The following RBM25 variants were observed in gnomAD, a reference collection of about 807,000 sequenced individuals.
RBM25 encodes RNA binding motif protein 25, also known as RNA-binding protein 25.
In RBM25, 19 loss-of-function variants were observed where a neutral mutation model predicts 120.7. That is an observed-to-expected ratio of 0.16 (90% CI 0.11 to 0.23). The LOEUF (loss-of-function observed/expected upper bound fraction) is 0.23. Ranked by LOEUF, RBM25 falls within the 10% of genes least tolerant of loss-of-function variation. The pLI, the probability that RBM25 is intolerant of heterozygous loss-of-function variation, is 1.00. For missense variants in RBM25, 605 were observed against 1,041.5 expected (o/e 0.58, Z 5.77); for synonymous variants, 390 against 326.7 (o/e 1.19, Z -2.09).
intron 1 of RBM25, chr14:73,068,687 G>A (rs970916817): frequency 6.1e-6 from 2 of 326,036 alleles, no homozygotes; most frequent in Non-Finnish European, 1.2e-5. Context: ...TGGCTGGACT[G>A]CAGGAAAAGA....
intron 4 of RBM25, among the ~76,000 whole-genome samples, chr14:73,079,337 C>T (rs1044934689): frequency 4.6e-5 from 7 of 150,684 alleles, no homozygotes; most frequent in Admixed American, 1.3e-4. Context: ...GCAGGAGAAT[C>T]ATTTGAACCT....
In RBM25 at chr14:73,119,966, A is replaced by G. The variant is rs1896511305; in HGVS notation, c.*161A>G. On this transcript the variant is annotated 3_prime_UTR_variant, in exon 19 of 19. Coordinates refer to ENST00000261973, the MANE Select transcript of RBM25 (RefSeq NM_021239.3). ...CCTCTAATTTGTTGTTGCCCTGTGT[A>G]CTCCCTTGGTTGTAAAGTCATCTGA... 8.4e-6 allele frequency: 9 copies of G among 1,066,324 alleles called. No individual in the cohort carries two copies. The highest frequency in any genetic ancestry group is 1.1e-5 in the Non-Finnish European group (9 of 789,626). 66.1% of individuals were successfully genotyped at this position (1,066,324 alleles called of 1,614,324 possible).
chr14:73,113,581 C>T (rs953228299), intron 17 of RBM25, among the ~76,000 whole-genome samples: 7 of 151,830 alleles, frequency 4.6e-5, no homozygotes, highest in Non-Finnish European at 4.4e-5. Context: ...ATCCCAGCTA[C>T]TCGGGAGGCT....
chr14:73,088,576 T>G, intron 6 of RBM25: 1 of 355,028 alleles, frequency 2.8e-6, no homozygotes, highest in South Asian at 2.2e-5. Flanking sequence ...TTACTTGCCT[T>G]AGGTTGGGGG....
chr14:73,099,397 A>G lies in RBM25; in HGVS notation c.747A>G (p.Pro249=). The G allele has an allele frequency of 6.2e-7, 1 of 1,600,586 alleles. No homozygotes were observed. The change falls in exon 8 of 19, where the codon CCA becomes CCG. Residue 249 remains proline, a synonymous_variant. Coordinates refer to ENST00000261973, the MANE Select transcript of RBM25 (RefSeq NM_021239.3). ...EKKEDIFRRF[P]VAPLIPYPLI... ...TTTCACAGATTTTCCGCAGATTTCC[A>G]GTGGCCCCACTGATCCCTTATCCAC...
Position 73,088,038 on chromosome 14 carries a change from C to T in RBM25, c.420C>T (p.Thr140=), listed in dbSNP as rs757750287. 1.2e-6 allele frequency: 2 copies of T among 1,613,880 alleles called. No homozygotes were observed. The highest frequency in any genetic ancestry group is 1.3e-5 in the African/African-American group (1 of 74,858). The change falls in exon 6 of 19, where the codon ACC becomes ACT. Residue 140 remains threonine, a synonymous_variant. Transcript: ENST00000261973. ...GFCEYKEPES[T]LRALRLLHDL... ...GTGAGTACAAGGAGCCAGAATCTAC[C>T]CTCCGTGCACTCAGATTATTACATG... is the stretch of plus-strand genomic sequence containing the variant.
At chr14:73,080,819 CTTTCT>C (rs1443522665) in intron 4 of RBM25, among the ~76,000 whole-genome samples, 13 of 141,876 alleles carry the variant, frequency 9.2e-5, no homozygotes, top group African/African-American at 2.7e-4. Flanking sequence ...TGTTTTCTTT[CTTTCT>C]TTTTTTTTTT....
chr14:73,074,850 T>C (rs550326629), intron 2 of RBM25, among the ~76,000 whole-genome samples: 1 of 151,954 alleles, frequency 6.6e-6, no homozygotes, highest in African/African-American at 2.4e-5. Context: ...GGATTATGAG[T>C]GTGTGCCACC....
chr14:73,116,689 CTG>C (rs1412884672), intron 18 of RBM25, among the ~76,000 whole-genome samples: 1 of 152,138 alleles, frequency 6.6e-6, no homozygotes, highest in Non-Finnish European at 1.5e-5. Flanking sequence ...TTAAATAAAA[CTG>C]TGTTCTAGCG....
chr14:73,075,433 ACAGG>A (rs1247398429), intron 2 of RBM25, among the ~76,000 whole-genome samples: 1 of 152,222 alleles, frequency 6.6e-6, no homozygotes, highest in Non-Finnish European at 1.5e-5. Context: ...TGCTGGCATT[ACAGG>A]CGTGAGCCAC....
chr14:73,071,547 A>G (rs1252723614), intron 1 of RBM25, 80 bp from the exon 2 acceptor site: 1 of 1,027,128 alleles, frequency 9.7e-7, no homozygotes, highest in Non-Finnish European at 1.5e-6. Context: ...AGATACTCTA[A>G]AAATGAAAGT....
intron 10 of RBM25, among the ~76,000 whole-genome samples, chr14:73,105,615 G>T (rs767606063): frequency 9.2e-5 from 14 of 152,082 alleles, no homozygotes; most frequent in Non-Finnish European, 1.3e-4. Flanking sequence ...TTTATATTCA[G>T]ATTGTATTTG....
chr14:73,099,713 T>A lies in RBM25; in HGVS notation c.830T>A (p.Ile277Lys). Residue 277 changes from isoleucine (I) to lysine (K), a missense_variant, in exon 9 of 19, where the codon ATA (isoleucine) becomes AAA (lysine). Physicochemically the swap from Ile to Lys is moderately radical, Grantham distance 102 (BLOSUM62 -3). Transcript: ENST00000261973. ...IEMEEDKRDL[I>K]SREISKFRDT... ...ATGGAAGAAGACAAAAGAGACCTGA[T>A]ATCTCGAGAGATCAGCAAATTCAGA... 1 of 1,609,714 alleles carries A rather than the reference T, an allele frequency of 6.2e-7. No homozygotes were observed. Among genetic ancestry groups the A allele is most frequent in the Non-Finnish European group, 8.5e-7 (1 of 1,178,990 alleles).
intron 7 of RBM25, among the ~76,000 whole-genome samples, chr14:73,098,389 C>CA (rs1895993128): frequency 1.3e-5 from 2 of 152,030 alleles, no homozygotes; most frequent in South Asian, 4.1e-4. Flanking sequence ...CTCAGCCTTC[C>CA]AAAGTGCTGG....
At chr14:73,069,456 T>G (rs1895222054) in intron 1 of RBM25, among the ~76,000 whole-genome samples, 1 of 152,086 alleles carries the variant, frequency 6.6e-6, no homozygotes, top group South Asian at 2.1e-4. Context: ...TTTTTGTTTG[T>G]TTTTTGAGAT....
chr14:73,091,512 C>T (rs1000757208), intron 6 of RBM25, among the ~76,000 whole-genome samples: 1 of 152,156 alleles, frequency 6.6e-6, no homozygotes, highest in Non-Finnish European at 1.5e-5. Flanking sequence ...CTGTGTCCAG[C>T]TTACATTTTT....
chr14:73,076,358 C>A lies in RBM25; in HGVS notation c.146C>A (p.Pro49His). ...MIPVPMSIMAPAPTVLVPTVS... is the reference protein window; with the variant it reads ...MIPVPMSIMAHAPTVLVPTVS... ...CCTGTACCAATGAGCATTATGGCTC[C>A]TGCTCCAACTGTAAGTATAACTTAA... Residue 49 changes from proline to histidine, a missense_variant, in exon 3 of 19, where the codon CCT becomes CAT. Pro to His is a moderately conservative substitution (Grantham distance 77). Around this residue, in one of 4 missense-constraint regions of RBM25, gnomAD observed 90 missense variants for 107.3 expected, o/e 0.84. Coordinates refer to ENST00000261973, the MANE Select transcript of RBM25 (RefSeq NM_021239.3). The A allele has an allele frequency of 6.2e-7, 1 of 1,611,602 alleles. No homozygotes were observed. Among genetic ancestry groups the A allele is most frequent in the Non-Finnish European group, 8.5e-7 (1 of 1,177,806 alleles).
rs369541790 is a variant in RBM25, at chr14:73,111,626, G to C, written c.2116G>C (p.Val706Leu). ...ATTTGAGGATGAAGACAGTGATGAC[G>C]TACCCCGAAAAAGGAAACTGGTTCC... Reference protein sequence around the residue: ...NKFEDEDSDDVPRKRKLVPLD... With the variant: ...NKFEDEDSDDLPRKRKLVPLD... The change falls in exon 16 of 19, where the codon GTA becomes CTA. Residue 706 changes from valine to leucine, a missense_variant. Transcript: ENST00000261973. The C allele has an allele frequency of 6.2e-6, 10 of 1,614,062 alleles. No individual in the cohort carries two copies. The highest frequency in any genetic ancestry group is 3.3e-5 in the Admixed American group (2 of 60,008).
chr14:73,068,621 C>A lies in RBM25; in HGVS notation c.-15-3006C>A, dbSNP rs1435739045. ...GCTCTGAGAAGTCTGGCTGGCATTACCACATCCCAAGCTCTCTGTCCAAAG... is the reference window on the plus strand; with the variant it reads ...GCTCTGAGAAGTCTGGCTGGCATTAACACATCCCAAGCTCTCTGTCCAAAG... On this transcript the variant is annotated intron_variant, in intron 1 of 18. Coordinates refer to ENST00000261973, the MANE Select transcript of RBM25 (RefSeq NM_021239.3). 10 of 452,702 alleles carry A rather than the reference C, an allele frequency of 2.2e-5. No individual in the cohort carries two copies. In the East Asian group the frequency reaches 5.4e-4, roughly 24 times the overall value. 28.0% of individuals were successfully genotyped at this position (452,702 alleles called of 1,614,324 possible).
Sources: allele counts gnomAD v4.1 joint callset (sites outside exome capture counted in the v4.1 genomes callset), GRCh38; gene constraint gnomAD v4.1.1; regional missense constraint gnomAD v4.1.1; transcripts MANE v1.5; gene names NCBI Gene and HGNC (gene_info 2026-07-23, HGNC 2026-07-21).